Variants in SYNE2 observed in about 807,000 individuals in gnomAD.
The protein encoded by SYNE2 is spectrin repeat containing nuclear envelope protein 2.
SYNE2 carries 431 observed loss-of-function variants against 856.3 expected under a neutral mutation model. The ratio of observed to expected loss-of-function variants is 0.50; its 90% CI spans 0.47 to 0.55. The LOEUF (loss-of-function observed/expected upper bound fraction) is 0.55. Ranked by LOEUF, SYNE2 falls within the 20% of genes least tolerant of loss-of-function variation. SYNE2 has a pLI of 0.00. For synonymous variants in SYNE2, 2,923 were observed against 2,872.3 expected, an observed-to-expected ratio of 1.02 and a Z score of -0.56; for missense variants, 8,129 against 8,023.2, an observed-to-expected ratio of 1.01 and a Z score of -0.50.
intron 45 of SYNE2, among the ~76,000 whole-genome samples, chr14:64,045,920 C>A (rs1453576539): frequency 6.6e-6 from 1 of 152,132 alleles, no homozygotes; most frequent in African/African-American, 2.4e-5. Context: ...CCCAGTTTCC[C>A]CTATTGTTAA....
intron 1 of SYNE2, among the ~76,000 whole-genome samples, chr14:63,836,907 G>A (rs1442908430): frequency 1.3e-5 from 2 of 152,182 alleles, no homozygotes; most frequent in Non-Finnish European, 2.9e-5. Context: ...AGTGGTGTCT[G>A]TGCTTTTGTA....
At chr14:63,879,881 A>G (rs187803520) in intron 1 of SYNE2, among the ~76,000 whole-genome samples, 1 of 152,356 alleles carries the variant, frequency 6.6e-6, no homozygotes, top group Admixed American at 6.5e-5. Flanking sequence ...ACCAACCAGC[A>G]AAGGATATCG....
intron 1 of SYNE2, among the ~76,000 whole-genome samples, chr14:63,891,911 T>C (rs2095140999): frequency 6.6e-6 from 1 of 152,162 alleles, no homozygotes; most frequent in South Asian, 2.1e-4. Flanking sequence ...CCTTTGCCCA[T>C]TTGTAATAAT....
chr14:63,903,365 TG>T (rs1305172836), intron 1 of SYNE2, among the ~76,000 whole-genome samples: 2 of 152,250 alleles, frequency 1.3e-5, no homozygotes, highest in African/African-American at 4.8e-5. Context: ...TCTTTTGCCT[TG>T]TTTGATAATA....
At position 63,983,887 on chromosome 14, in the gene SYNE2, G is replaced by T; in HGVS notation, c.2151+1G>T. ...TGAAAATTATAATCAAAATATAAAG[G>T]TAAAATAATCATACTTTGTATATTT... is the stretch of plus-strand genomic sequence containing the variant. On this transcript the variant is annotated splice_donor_variant, in intron 18 of 115. Transcript: ENST00000555002. LOFTEE classifies it high-confidence loss of function. 1 of 1,500,948 alleles carries T rather than the reference G, an allele frequency of 6.7e-7. No homozygotes were observed. The highest frequency in any genetic ancestry group is 9.2e-7 in the Non-Finnish European group (1 of 1,086,970). 93.0% of individuals were successfully genotyped at this position (1,500,948 alleles called of 1,614,324 possible).
rs145575862 is a variant in SYNE2 at position 64,042,374 on chromosome 14, G to A, written c.7222-5626G>A. On this transcript the variant is annotated intron_variant, in intron 45 of 115. Transcript: ENST00000555002. ...GAGGAAGAGATGAAAAGGGATAGAG[G>A]TTGGGCTTTAAATTATTTTCTTAAT... Among the ~76,000 whole-genome samples, 14 of 152,352 alleles carry A rather than the reference G, an allele frequency of 9.2e-5. 1 individual carries two copies. Among genetic ancestry groups the A allele is most frequent in the African/African-American group, 3.1e-4 (13 of 41,584 alleles).
intron 78 of SYNE2, among the ~76,000 whole-genome samples, chr14:64,134,617 A>G (rs1476691698): frequency 6.6e-6 from 1 of 152,170 alleles, no homozygotes; most frequent in Non-Finnish European, 1.5e-5. Flanking sequence ...TTTTATTCCT[A>G]CAGTGAAGTC....
chr14:64,219,417 TAG>T lies in SYNE2; in HGVS notation c.19860+10_19860+11del. On this transcript the variant is annotated splice_region_variant and intron_variant, in intron 110 of 115. Transcript: ENST00000555002. ...GAGAGTGAAGAGACTGCAGGTGAGT[TAG>T]AGGTGTGGTGGGGAAGAGGGATTCA... 6.2e-7 allele frequency: 1 copy of T among 1,613,696 alleles called. No homozygotes were observed. The highest frequency in any genetic ancestry group is 8.5e-7 in the Non-Finnish European group (1 of 1,179,812).
intron 2 of SYNE2, among the ~76,000 whole-genome samples, chr14:63,914,229 T>G (rs769430147): frequency 6.6e-6 from 1 of 152,178 alleles, no homozygotes; most frequent in Non-Finnish European, 1.5e-5. Flanking sequence ...TGGATAGATA[T>G]GATTATGAAA....
At chr14:64,114,559 G>T (rs988603318) in intron 66 of SYNE2, among the ~76,000 whole-genome samples, 1 of 151,870 alleles carries the variant, frequency 6.6e-6, no homozygotes, top group Non-Finnish European at 1.5e-5. Context: ...CAACATCCAG[G>T]AACCAGACAG....
chr14:64,087,820 A>C lies in SYNE2; in HGVS notation c.11634A>C (p.Ile3878=). ...AAGTAACAGCTTTACAACAAAAAAT[A>C]ATGGAAAGCCTTCCACAGATTCAGC... ...SNQVTALQQK[I]MESLPQIQRM... Residue 3878 remains isoleucine (I), a synonymous_variant, in exon 58 of 116, where the codon ATA becomes ATC. Coordinates refer to ENST00000555002, the MANE Select transcript of SYNE2 (RefSeq NM_182914.3). 6.2e-7 allele frequency: 1 copy of C among 1,614,144 alleles called. No individual in the cohort carries two copies. Among genetic ancestry groups the C allele is most frequent in the Non-Finnish European group, 8.5e-7 (1 of 1,179,976 alleles).
intron 47 of SYNE2, among the ~76,000 whole-genome samples, chr14:64,050,137 G>C (rs750493667): frequency 1.3e-5 from 2 of 152,338 alleles, no homozygotes; most frequent in South Asian, 4.1e-4. Context: ...GGCAGCAGAA[G>C]ATTCAGCATC....
intron 67 of SYNE2, 23 bp downstream of exon 67, chr14:64,119,632 C>G: frequency 6.2e-7 from 1 of 1,612,500 alleles, no homozygotes; most frequent in Non-Finnish European, 8.5e-7. Flanking sequence ...TATCTATGGA[C>G]ATTCATCTTG....
intron 59 of SYNE2, 69 bp from the exon 60 acceptor site, chr14:64,090,797 T>C: frequency 1.4e-6 from 2 of 1,383,608 alleles, no homozygotes; most frequent in Non-Finnish European, 2.0e-6. Context: ...ATTTTAATTT[T>C]GAATAATTAA....
intron 22 of SYNE2, among the ~76,000 whole-genome samples, chr14:63,994,521 C>T (rs1321483011): frequency 6.6e-6 from 1 of 152,154 alleles, no homozygotes; most frequent in East Asian, 1.9e-4. Context: ...GTGTACCCCA[C>T]GCCCAGATTC....
At chr14:64,035,084 C>T (rs2097076015) in intron 45 of SYNE2, among the ~76,000 whole-genome samples, 1 of 151,480 alleles carries the variant, frequency 6.6e-6, no homozygotes, top group African/African-American at 2.4e-5. Context: ...TCTTTGATTT[C>T]CTTATCATTG....
At chr14:63,914,601 T>C (rs1412427640) in intron 2 of SYNE2, among the ~76,000 whole-genome samples, 1 of 152,190 alleles carries the variant, frequency 6.6e-6, no homozygotes, top group Non-Finnish European at 1.5e-5. Flanking sequence ...GCCTGGGTTA[T>C]AGCAGTGAGT....
chr14:63,838,702 T>A (rs1232361489), intron 1 of SYNE2, among the ~76,000 whole-genome samples: 1 of 152,190 alleles, frequency 6.6e-6, no homozygotes, highest in Admixed American at 6.6e-5. Context: ...AGAGATGGGA[T>A]CTCACTATGT....
At chr14:63,905,008 A>C (rs2095390224) in intron 1 of SYNE2, among the ~76,000 whole-genome samples, 1 of 152,168 alleles carries the variant, frequency 6.6e-6, no homozygotes. Flanking sequence ...GGAAGGATTC[A>C]GTTTCATTCT....
Sources: allele counts gnomAD v4.1 joint callset (sites outside exome capture counted in the v4.1 genomes callset), GRCh38; gene constraint gnomAD v4.1.1; transcripts MANE v1.5; gene names NCBI Gene and HGNC (gene_info 2026-07-23, HGNC 2026-07-21).